The following GABRG3 variants were observed in gnomAD, a reference collection of about 807,000 sequenced individuals.
GABRG3 encodes the protein gamma-aminobutyric acid receptor subunit gamma-3.
A neutral mutation model predicts 48.8 loss-of-function variants in GABRG3; 25 were observed. The ratio of observed to expected loss-of-function variants is 0.51; its 90% CI spans 0.37 to 0.72. The LOEUF (loss-of-function observed/expected upper bound fraction) is 0.72. Among genes scored for constraint, GABRG3 ranks in the 30% least tolerant of loss-of-function variants. The pLI is 0.00. For synonymous variants in GABRG3, 227 were observed against 217.6 expected, an observed-to-expected ratio of 1.04 and a Z score of -0.38; for missense variants, 394 against 577.9, an observed-to-expected ratio of 0.68 and a Z score of 3.26.
intron 4 of GABRG3, among the ~76,000 whole-genome samples, chr15:27,328,147 C>A (rs1021234553): frequency 6.6e-6 from 1 of 151,550 alleles, no homozygotes; most frequent in African/African-American, 2.4e-5. Context: ...AAAAACACGC[C>A]ACAGCTGGGA....
intron 3 of GABRG3, among the ~76,000 whole-genome samples, chr15:27,210,597 A>C (rs1012208404): frequency 2.0e-5 from 3 of 152,228 alleles, no homozygotes; most frequent in Non-Finnish European, 2.9e-5. Context: ...GTGCCTGATA[A>C]ATGGAGACTA....
chr15:27,010,133 C>T (rs545072254), intron 2 of GABRG3, among the ~76,000 whole-genome samples: 8 of 152,132 alleles, frequency 5.3e-5, no homozygotes, highest in Admixed American at 1.3e-4. Flanking sequence ...TTTGTAGAGC[C>T]GGTGTTGCAT....
At chr15:27,343,179 G>A (rs548508274) in intron 5 of GABRG3, among the ~76,000 whole-genome samples, 1 of 152,278 alleles carries the variant, frequency 6.6e-6, no homozygotes, top group African/African-American at 2.4e-5. Flanking sequence ...GGGGAGGGAG[G>A]AAGGGGGACT....
intron 5 of GABRG3, among the ~76,000 whole-genome samples, chr15:27,420,502 G>A (rs765321520): frequency 6.6e-6 from 1 of 152,136 alleles, no homozygotes; most frequent in South Asian, 2.1e-4. Flanking sequence ...ATTCCACACC[G>A]GGAATTTGCT....
intron 6 of GABRG3, among the ~76,000 whole-genome samples, chr15:27,519,034 C>G (rs1891095386): frequency 6.6e-6 from 1 of 152,034 alleles, no homozygotes. Context: ...TTTTGGTTTC[C>G]TCTTTGAACA....
chr15:27,017,058 T>A (rs1595474274), intron 2 of GABRG3, among the ~76,000 whole-genome samples: 1 of 152,194 alleles, frequency 6.6e-6, no homozygotes, highest in East Asian at 1.9e-4. Context: ...CTTACGACAG[T>A]TATTTTGAAT....
intron 5 of GABRG3, among the ~76,000 whole-genome samples, chr15:27,360,855 C>T (rs1444529298): frequency 6.6e-6 from 1 of 152,242 alleles, no homozygotes; most frequent in East Asian, 1.9e-4. Flanking sequence ...TTGTGGGATG[C>T]TCTCTGACGG....
intron 2 of GABRG3, among the ~76,000 whole-genome samples, chr15:27,005,799 A>G (rs1365561882): frequency 6.6e-6 from 1 of 152,208 alleles, no homozygotes. Flanking sequence ...ACCTAGATCA[A>G]GTAGAGTCTA....
At chr15:27,473,649 T>C (rs977439509) in intron 5 of GABRG3, among the ~76,000 whole-genome samples, 4 of 152,226 alleles carry the variant, frequency 2.6e-5, no homozygotes, top group African/African-American at 9.6e-5. Context: ...GAAGTGGCTT[T>C]CATATTTTTA....
chr15:27,251,348 C>G (rs28652682), intron 3 of GABRG3, among the ~76,000 whole-genome samples: 103,452 of 151,950 alleles, frequency 0.68, 36,940 homozygotes, highest in African/African-American at 0.89. Flanking sequence ...GTCAGCCAGG[C>G]TTTTCCCAGA....
chr15:27,262,314 A>G (rs1352459247), intron 3 of GABRG3, among the ~76,000 whole-genome samples: 2 of 152,190 alleles, frequency 1.3e-5, no homozygotes, highest in Admixed American at 1.3e-4. Flanking sequence ...GTGTCTTTAA[A>G]CAAGATCCCT....
At chr15:27,025,660 C>T (rs1294610150) in intron 2 of GABRG3, among the ~76,000 whole-genome samples, 2 of 152,254 alleles carry the variant, frequency 1.3e-5, no homozygotes, top group East Asian at 1.9e-4. Flanking sequence ...TGCAATTTTA[C>T]GAGACCGAGA....
chr15:27,281,558 T>C (rs1242096753), intron 3 of GABRG3, among the ~76,000 whole-genome samples: 2 of 151,770 alleles, frequency 1.3e-5, no homozygotes, highest in Non-Finnish European at 2.9e-5. Context: ...AAATGGTTTC[T>C]CTGGGTGATA....
intron 3 of GABRG3, among the ~76,000 whole-genome samples, chr15:27,257,517 T>C (rs1031406760): frequency 2.0e-5 from 3 of 152,224 alleles, no homozygotes; most frequent in African/African-American, 4.8e-5. Flanking sequence ...AGGTTTTACA[T>C]TGAAGTCTTT....
intron 5 of GABRG3, among the ~76,000 whole-genome samples, chr15:27,390,974 A>C (rs1029721863): frequency 9.9e-5 from 15 of 151,954 alleles, no homozygotes; most frequent in Non-Finnish European, 4.4e-5. Context: ...CTGTAATCCC[A>C]GCTACTAGGA....
chr15:27,386,634 A>G (rs1595719010), intron 5 of GABRG3, among the ~76,000 whole-genome samples: 1 of 152,024 alleles, frequency 6.6e-6, no homozygotes, highest in South Asian at 2.1e-4. Context: ...GTCAGTATTC[A>G]TGGGAGGCCC....
chr15:27,353,426 C>CTTTTTATT (rs367835979), intron 5 of GABRG3, among the ~76,000 whole-genome samples: 18 of 146,110 alleles, frequency 1.2e-4, no homozygotes, highest in African/African-American at 4.4e-4. Flanking sequence ...TTCTTTCTTT[C>CTTTTTATT]TATTTATTTA....
At chr15:27,410,011 G>A (rs900034012) in intron 5 of GABRG3, among the ~76,000 whole-genome samples, 22 of 152,078 alleles carry the variant, frequency 1.4e-4, no homozygotes, top group Non-Finnish European at 2.1e-4. Flanking sequence ...CCTGATATTG[G>A]GGATGAAGCA....
At chr15:27,131,216 C>T (rs1897910681) in intron 3 of GABRG3, among the ~76,000 whole-genome samples, 1 of 152,008 alleles carries the variant, frequency 6.6e-6, no homozygotes, top group Non-Finnish European at 1.5e-5. Flanking sequence ...ATCTTCTGTT[C>T]TGAGTCTTTG....
Sources: gnomAD v4.1 joint callset for allele counts (sites outside exome capture counted in the v4.1 genomes callset) on GRCh38, gnomAD v4.1.1 for gene constraint, MANE v1.5 for transcripts, NCBI Gene and HGNC (gene_info 2026-07-23, HGNC 2026-07-21) for gene names.